KSR1: variants seen among roughly 807,000 people sequenced by gnomAD.
KSR1 encodes kinase suppressor of ras 1.
KSR1 carries 35 observed loss-of-function variants against 92.9 expected under a neutral mutation model. The observed-to-expected ratio is 0.38, with a 90% confidence interval of 0.29 to 0.50. The LOEUF is 0.50. Ranked by LOEUF, KSR1 falls within the 20% of genes least tolerant of loss-of-function variation. KSR1 has a pLI of 0.94. For missense variants in KSR1, 972 were observed against 1,158.5 expected (o/e 0.84, Z 2.34); for synonymous variants, 467 against 472.6 (o/e 0.99, Z 0.15).
At chr17:27,537,072 C>G (rs1023564909) in intron 1 of KSR1, among the ~76,000 whole-genome samples, 1 of 152,224 alleles carries the variant, frequency 6.6e-6, no homozygotes, top group African/African-American at 2.4e-5. Context: ...TATTCTTTTT[C>G]TCTAGCAAAT....
chr17:27,467,343 G>A (rs2019744499), intron 1 of KSR1, among the ~76,000 whole-genome samples: 1 of 152,212 alleles, frequency 6.6e-6, no homozygotes, highest in Non-Finnish European at 1.5e-5. Context: ...GTGATTCCTT[G>A]GTGTGTAGCG....
intron 20 of KSR1, 140 bp downstream of exon 20, chr17:27,621,413 G>A (rs2074220655): frequency 2.5e-6 from 1 of 395,030 alleles, no homozygotes. Flanking sequence ...GGTTTCTGCA[G>A]CTGAAATGGC....
intron 1 of KSR1, chr17:27,527,068 C>T (rs932937702): frequency 8.9e-5 from 39 of 437,188 alleles, no homozygotes; most frequent in Non-Finnish European, 1.4e-4. Context: ...CGTGGGTCAG[C>T]GCCTGCAGGT....
At chr17:27,517,267 T>C (rs1422226097) in intron 1 of KSR1, among the ~76,000 whole-genome samples, 1 of 152,246 alleles carries the variant, frequency 6.6e-6, no homozygotes, top group East Asian at 1.9e-4. Context: ...CAACCCCTTA[T>C]CTTAACCCAG....
chr17:27,594,428 G>A (rs1229519619), intron 9 of KSR1, among the ~76,000 whole-genome samples: 1 of 151,646 alleles, frequency 6.6e-6, no homozygotes. Context: ...GGTCCTGCAC[G>A]ACCACCTGCC....
intron 6 of KSR1, 99 bp downstream of exon 6, chr17:27,588,634 C>T (rs2073059602): frequency 2.7e-6 from 3 of 1,092,622 alleles, no homozygotes. Flanking sequence ...AGCTCTTTGC[C>T]TCTGACGGGC....
rs185220649 is a variant in KSR1, at chr17:27,459,352, C to T, written c.231+2478C>T. On this transcript the variant is annotated intron_variant, in intron 1 of 20. Coordinates refer to ENST00000644974, the MANE Select transcript of KSR1 (RefSeq NM_001394583.1). The surrounding 1 kb of genome is among the most constrained non-coding windows in gnomAD (Gnocchi z 4.6). ...AGGGAAACTTAACCCCTACTGGACC[C>T]TTGCTAGGGAAACTTAACCCCCTAC... 6.6e-6 allele frequency among the ~76,000 whole-genome samples: 1 copy of T among 152,220 alleles called. No homozygotes were observed. The highest frequency in any genetic ancestry group is 6.5e-5 in the Admixed American group (1 of 15,286).
intron 10 of KSR1, among the ~76,000 whole-genome samples, chr17:27,599,108 G>T (rs375976173): frequency 1.3e-5 from 2 of 152,206 alleles, no homozygotes; most frequent in Non-Finnish European, 2.9e-5. Flanking sequence ...TCCTCCACAC[G>T]CCTCGGCTGT....
At chr17:27,615,458 T>G (rs184326498) in intron 18 of KSR1, among the ~76,000 whole-genome samples, 29 of 152,368 alleles carry the variant, frequency 1.9e-4, no homozygotes, top group Admixed American at 5.2e-4. Flanking sequence ...GGCTTTCTTG[T>G]GCAGTTTAGG....
At chr17:27,560,865 G>T (rs748570196) in intron 2 of KSR1, among the ~76,000 whole-genome samples, 1 of 152,176 alleles carries the variant, frequency 6.6e-6, no homozygotes, top group Non-Finnish European at 1.5e-5. Context: ...CCAGGAAGCA[G>T]CACACACCCT....
intron 1 of KSR1, among the ~76,000 whole-genome samples, chr17:27,537,854 C>A (rs903226622): frequency 6.6e-6 from 1 of 152,214 alleles, no homozygotes; most frequent in Middle Eastern, 3.4e-3. Flanking sequence ...CAAAAAATAA[C>A]TCAACGTGCA....
At chr17:27,622,723 G>C (rs1299672749) in intron 20 of KSR1, 1 of 158,380 alleles carries the variant, frequency 6.3e-6, no homozygotes, top group Non-Finnish European at 1.4e-5. Flanking sequence ...GTGTACCATA[G>C]ACCAGACCCC....
chr17:27,562,517 GC>G (rs1382357906), intron 2 of KSR1, among the ~76,000 whole-genome samples: 1 of 152,208 alleles, frequency 6.6e-6, no homozygotes, highest in Non-Finnish European at 1.5e-5. Context: ...CTATAGCCCT[GC>G]CATGAGATGG....
intron 3 of KSR1, among the ~76,000 whole-genome samples, chr17:27,581,027 A>G (rs1477995739): frequency 6.6e-6 from 1 of 152,158 alleles, no homozygotes; most frequent in Non-Finnish European, 1.5e-5. Flanking sequence ...GATAATTTAT[A>G]TAAAAAAGAG....
In KSR1 at chr17:27,514,660, CA is replaced by C. The variant is rs1177388900; in HGVS notation, c.232-35893del. Among the ~76,000 whole-genome samples the C allele has an allele frequency of 9.9e-3, 917 of 92,592 alleles. 7 individuals carry two copies. Among genetic ancestry groups the C allele is most frequent in the African/African-American group, 0.024 (689 of 28,210 alleles). The allele number at this position is 92,592 out of a possible 152,430, so 60.7% of individuals were successfully genotyped here. A position where few individuals can be genotyped will look rare whatever the true frequency, so the allele number is the denominator to read the frequency against. ...GGGCGACAGGAGCAAAACTCCATCT[CA>C]AAAAAAAAAAAAAAGAAAAGAAAAG... On this transcript the variant is annotated intron_variant, in intron 1 of 20. Transcript: ENST00000644974.
intron 1 of KSR1, among the ~76,000 whole-genome samples, chr17:27,478,941 T>C (rs1293624441): frequency 6.6e-6 from 1 of 151,946 alleles, no homozygotes; most frequent in African/African-American, 2.4e-5. Context: ...CCTTCATCCA[T>C]GCTCCTCCCT....
intron 1 of KSR1, among the ~76,000 whole-genome samples, chr17:27,461,292 G>A (rs1411251431): frequency 6.6e-6 from 1 of 152,130 alleles, no homozygotes; most frequent in Non-Finnish European, 1.5e-5. Flanking sequence ...TGTTGGCCAG[G>A]CTGGTCTCGA....
At chr17:27,536,352 G>A (rs1316327798) in intron 1 of KSR1, among the ~76,000 whole-genome samples, 6 of 152,220 alleles carry the variant, frequency 3.9e-5, no homozygotes, top group Non-Finnish European at 8.8e-5. Context: ...AAGAAGGGAA[G>A]TCATGTCTTT....
At chr17:27,606,687 T>C (rs1350495496) in intron 14 of KSR1, among the ~76,000 whole-genome samples, 7 of 151,836 alleles carry the variant, frequency 4.6e-5, no homozygotes, top group Non-Finnish European at 1.0e-4. Flanking sequence ...AATTTCAGAC[T>C]ACCAATGTTA....
Sources: allele counts gnomAD v4.1 joint callset (sites outside exome capture counted in the v4.1 genomes callset), GRCh38; gene constraint gnomAD v4.1.1; non-coding constraint Gnocchi (gnomAD v3.1); transcripts MANE v1.5; gene names NCBI Gene and HGNC (gene_info 2026-07-23, HGNC 2026-07-21).